Variants in DPP6 observed in about 807,000 individuals in gnomAD.
DPP6 encodes the protein dipeptidyl peptidase like 6.
A neutral mutation model predicts 122.6 loss-of-function variants in DPP6; 69 were observed. That is an observed-to-expected ratio of 0.56 (90% CI 0.46 to 0.69). The LOEUF (loss-of-function observed/expected upper bound fraction) is 0.69, where lower values mean the gene tolerates loss of function less well. Ranked by LOEUF, DPP6 falls within the 30% of genes least tolerant of loss-of-function variation. The pLI, the probability that DPP6 is intolerant of heterozygous loss-of-function variation, is 0.00. For missense variants in DPP6, 928 were observed against 1,116.9 expected (o/e 0.83, Z 2.41); for synonymous variants, 418 against 433.1 (o/e 0.97, Z 0.43).
intron 2 of DPP6, among the ~76,000 whole-genome samples, chr7:154,453,138 T>G (rs1010794265): frequency 6.6e-6 from 1 of 152,030 alleles, no homozygotes; most frequent in African/African-American, 2.4e-5. Context: ...GACGTGGGGG[T>G]CGGAAACTCC....
chr7:154,546,190 A>G (rs1427803638), intron 4 of DPP6, among the ~76,000 whole-genome samples: 2 of 152,326 alleles, frequency 1.3e-5, no homozygotes, highest in African/African-American at 2.4e-5. Context: ...TATTTATGAT[A>G]TATTTTAAAA....
chr7:154,190,669 G>C (rs1219053162), intron 1 of DPP6, among the ~76,000 whole-genome samples: 1 of 152,124 alleles, frequency 6.6e-6, no homozygotes, highest in Non-Finnish European at 1.5e-5. Context: ...TGATTACGCA[G>C]ATGGATGGGT....
At chr7:154,336,354 T>A (rs1809421508) in intron 1 of DPP6, among the ~76,000 whole-genome samples, 1 of 152,102 alleles carries the variant, frequency 6.6e-6, no homozygotes, top group Non-Finnish European at 1.5e-5. Context: ...TGCTCTCCAT[T>A]CTCCCTGGAG....
intron 17 of DPP6, among the ~76,000 whole-genome samples, chr7:154,866,887 A>G (rs7798683): frequency 0.02 from 3,110 of 151,824 alleles, 112 homozygotes; most frequent in African/African-American, 0.071. Context: ...CCACAGCCCC[A>G]TGTTCTCCAC....
chr7:153,953,775 C>A (rs1223827954), intron 1 of DPP6, among the ~76,000 whole-genome samples: 1 of 151,938 alleles, frequency 6.6e-6, no homozygotes, highest in Non-Finnish European at 1.5e-5. Context: ...CGTAGACACA[C>A]ACATACACAC....
rs184400014 is a variant in DPP6, at chr7:154,843,931, G to A, written c.1667-9849G>A. 9.5e-4 allele frequency among the ~76,000 whole-genome samples: 144 copies of A among 152,362 alleles called. 1 individual carries two copies. The East Asian group carries it at 0.024, about 25-fold the overall frequency. ...CCGTACTGGACTCTGAGCTCCCTAA[G>A]AGTAAATGCTTTGTCTATTTCTGTC... On this transcript the variant is annotated intron_variant, in intron 16 of 25. Transcript: ENST00000377770.
chr7:153,827,138 G>A, the DPP6 span, among the ~76,000 whole-genome samples: 2 of 152,208 alleles, frequency 1.3e-5, no homozygotes, highest in East Asian at 1.9e-4. Context: ...AGAAATTTAA[G>A]ATAAGGTGAC....
chr7:153,893,532 G>A (rs556724812), intron 1 of DPP6, among the ~76,000 whole-genome samples: 65 of 152,216 alleles, frequency 4.3e-4, no homozygotes, highest in Non-Finnish European at 8.8e-4. Flanking sequence ...TTAGTTGAAC[G>A]TTTAAGAACT....
At chr7:154,515,582 TCTC>T (rs1484553279) in intron 3 of DPP6, among the ~76,000 whole-genome samples, 2 of 152,002 alleles carry the variant, frequency 1.3e-5, no homozygotes, top group African/African-American at 4.8e-5. Context: ...TTCAAGCACT[TCTC>T]CTCCCTCAGC....
chr7:154,326,239 G>A (rs1380862193), intron 1 of DPP6, among the ~76,000 whole-genome samples: 1 of 152,032 alleles, frequency 6.6e-6, no homozygotes. Context: ...TGTGCCTAAG[G>A]TCTGTGGCAT....
intron 1 of DPP6, among the ~76,000 whole-genome samples, chr7:153,894,513 C>A (rs2128995278): frequency 6.6e-6 from 1 of 152,242 alleles, no homozygotes; most frequent in African/African-American, 2.4e-5. Flanking sequence ...GTAGAAGTTT[C>A]AAAAACCCAT....
intron 1 of DPP6, among the ~76,000 whole-genome samples, chr7:154,066,456 G>A (rs370288850): frequency 6.6e-6 from 1 of 152,326 alleles, no homozygotes; most frequent in East Asian, 1.9e-4. Context: ...AGGTTAACAC[G>A]CATGTGCTCT....
intron 1 of DPP6, among the ~76,000 whole-genome samples, chr7:154,161,190 G>C (rs1250926306): frequency 3.9e-5 from 6 of 152,268 alleles, no homozygotes; most frequent in Non-Finnish European, 8.8e-5. Flanking sequence ...TGCTTTTGGT[G>C]TTATGTTTAG....
intron 1 of DPP6, among the ~76,000 whole-genome samples, chr7:154,223,111 T>C (rs117503598): frequency 6.7e-6 from 1 of 148,988 alleles, no homozygotes; most frequent in East Asian, 1.9e-4. Flanking sequence ...CATTTGGCAT[T>C]TTTGCATGTA....
chr7:153,964,978 C>CCTTCCTT (rs1795606644), intron 1 of DPP6, among the ~76,000 whole-genome samples: 4 of 71,232 alleles, frequency 5.6e-5, no homozygotes, highest in African/African-American at 4.0e-4. Context: ...CATTTCTTTT[C>CCTTCCTT]CCTTCCTTCC....
intron 4 of DPP6, among the ~76,000 whole-genome samples, chr7:154,558,790 A>G (rs1015132774): frequency 1.3e-5 from 2 of 152,242 alleles, no homozygotes; most frequent in African/African-American, 4.8e-5. Flanking sequence ...CTCAGAACAT[A>G]TCAGATATAT....
chr7:154,224,368 G>A (rs1468521513), intron 1 of DPP6, among the ~76,000 whole-genome samples: 1 of 148,622 alleles, frequency 6.7e-6, no homozygotes. Context: ...AATCCATGTG[G>A]CAAGGTGACC....
intron 10 of DPP6, among the ~76,000 whole-genome samples, chr7:154,789,656 G>T (rs1797552142): frequency 6.6e-6 from 1 of 152,212 alleles, no homozygotes; most frequent in Non-Finnish European, 1.5e-5. Flanking sequence ...CCTCTGTCTG[G>T]AGAGTCCACA....
intron 7 of DPP6, among the ~76,000 whole-genome samples, chr7:154,697,602 G>A (rs546663786): frequency 5.6e-4 from 86 of 152,352 alleles, no homozygotes; most frequent in African/African-American, 2.0e-3. Flanking sequence ...TACGTTATGG[G>A]AGAGGAGTGG....
Sources: gnomAD v4.1 joint callset for allele counts (sites outside exome capture counted in the v4.1 genomes callset) on GRCh38, gnomAD v4.1.1 for gene constraint, MANE v1.5 for transcripts, NCBI Gene and HGNC (gene_info 2026-07-23, HGNC 2026-07-21) for gene names.